Variants in TBC1D1 observed in about 807,000 individuals in gnomAD.
TBC1D1 encodes TBC1 domain family member 1, also known as TBC1 (tre-2/USP6, BUB2, cdc16) domain family, member 1.
Under a neutral mutation model 125.6 loss-of-function variants are expected in TBC1D1, and 89 were observed. The observed-to-expected ratio is 0.71, with a 90% CI of 0.60 to 0.85. The LOEUF (loss-of-function observed/expected upper bound fraction) is 0.85, where lower values mean the gene tolerates loss of function less well. Among genes scored for constraint, TBC1D1 ranks in the 40% least tolerant of loss-of-function variants. The pLI is 0.00. For missense variants in TBC1D1, 1,377 were observed against 1,469.2 expected (o/e 0.94, Z 1.03); for synonymous variants, 565 against 564.1 (o/e 1.00, Z -0.02).
At chr4:37,991,037 G>A (rs1220435879) in intron 2 of TBC1D1, among the ~76,000 whole-genome samples, 1 of 133,672 alleles carries the variant, frequency 7.5e-6, no homozygotes, top group Non-Finnish European at 1.6e-5. Context: ...AGATGAGAGA[G>A]ACCCAGCTGC....
chr4:37,897,409 G>A (rs1714886920), intron 1 of TBC1D1, among the ~76,000 whole-genome samples: 1 of 152,118 alleles, frequency 6.6e-6, no homozygotes, highest in African/African-American at 2.4e-5. Context: ...AAATAATTAT[G>A]GCTATGTTGG....
chr4:37,948,991 T>C (rs1727294504), intron 2 of TBC1D1, among the ~76,000 whole-genome samples: 1 of 152,252 alleles, frequency 6.6e-6, no homozygotes, highest in African/African-American at 2.4e-5. Context: ...ATTGTATGGA[T>C]ATACCGCATT....
At chr4:37,911,347 T>G (rs1401313803) in intron 2 of TBC1D1, among the ~76,000 whole-genome samples, 1 of 152,140 alleles carries the variant, frequency 6.6e-6, no homozygotes, top group Non-Finnish European at 1.5e-5. Context: ...GGCTCAGGCA[T>G]CCACCCTACT....
chr4:37,960,645 A>G (rs1306634611), intron 2 of TBC1D1: 2 of 1,614,194 alleles, frequency 1.2e-6, no homozygotes, highest in East Asian at 2.2e-5. Flanking sequence ...CAACAGAGCT[A>G]CAGAAAAGTC....
chr4:37,966,182 G>A (rs543116784), intron 2 of TBC1D1, among the ~76,000 whole-genome samples: 1 of 152,272 alleles, frequency 6.6e-6, no homozygotes, highest in East Asian at 1.9e-4. Context: ...ACTGTCTGAG[G>A]TCACATAGCT....
intron 2 of TBC1D1, chr4:38,007,243 A>T (rs911960846): frequency 2.0e-5 from 3 of 151,900 alleles, no homozygotes; most frequent in Admixed American, 6.6e-5. Context: ...TTTTTTATTT[A>T]TTTATTAATT....
intron 7 of TBC1D1, among the ~76,000 whole-genome samples, chr4:38,034,199 T>C (rs1209875242): frequency 6.6e-6 from 1 of 152,262 alleles, no homozygotes; most frequent in Non-Finnish European, 1.5e-5. Context: ...CAGTGTTAAG[T>C]TGGGATTGTG....
chr4:37,954,190 T>A (rs1728452264), intron 2 of TBC1D1, among the ~76,000 whole-genome samples: 1 of 152,192 alleles, frequency 6.6e-6, no homozygotes, highest in African/African-American at 2.4e-5. Context: ...ATGGCTGCTG[T>A]GGCTCCTCGC....
chr4:37,903,799 G>C (rs774763067), intron 2 of TBC1D1, among the ~76,000 whole-genome samples: 3 of 152,082 alleles, frequency 2.0e-5, no homozygotes, highest in Non-Finnish European at 2.9e-5. Context: ...TGGGGAATAG[G>C]ACCAGGTGAT....
At chr4:38,100,083 A>T (rs929095718) in intron 14 of TBC1D1, among the ~76,000 whole-genome samples, 4 of 152,154 alleles carry the variant, frequency 2.6e-5, no homozygotes, top group Non-Finnish European at 5.9e-5. Context: ...TTTACTTCTC[A>T]TCAGCATTTG....
chr4:38,019,088 A>G (rs1743450303), intron 4 of TBC1D1, among the ~76,000 whole-genome samples: 1 of 152,100 alleles, frequency 6.6e-6, no homozygotes. Flanking sequence ...GGGATTTTGG[A>G]AGAATCTATC....
intron 2 of TBC1D1, among the ~76,000 whole-genome samples, chr4:37,912,379 G>C (rs1025000805): frequency 6.6e-6 from 1 of 152,228 alleles, no homozygotes; most frequent in East Asian, 1.9e-4. Flanking sequence ...TGCCATAGCA[G>C]GATGGGGAAT....
chr4:38,004,827 ATAAT>A (rs1394694326), intron 2 of TBC1D1, among the ~76,000 whole-genome samples: 1 of 152,242 alleles, frequency 6.6e-6, no homozygotes, highest in Non-Finnish European at 1.5e-5. Flanking sequence ...GAAACCGAAG[ATAAT>A]TAAAGAGTAC....
chr4:38,129,656 A>G (rs1177172817), intron 18 of TBC1D1, among the ~76,000 whole-genome samples: 1 of 152,164 alleles, frequency 6.6e-6, no homozygotes, highest in African/African-American at 2.4e-5. Flanking sequence ...GACTTTATTA[A>G]TCAGTGTCCA....
intron 2 of TBC1D1, among the ~76,000 whole-genome samples, chr4:37,970,944 C>A (rs995795933): frequency 2.0e-5 from 3 of 152,042 alleles, no homozygotes; most frequent in Non-Finnish European, 2.9e-5. Flanking sequence ...CTCACTGGCC[C>A]CCCCCACTAG....
intron 6 of TBC1D1, among the ~76,000 whole-genome samples, chr4:38,027,266 A>G (rs1021227972): frequency 2.0e-5 from 3 of 152,222 alleles, no homozygotes; most frequent in Admixed American, 2.0e-4. Flanking sequence ...TGCCTATTAT[A>G]CAGTGTCTAG....
chr4:37,985,161 G>C (rs919378287), intron 2 of TBC1D1, among the ~76,000 whole-genome samples: 5 of 152,030 alleles, frequency 3.3e-5, no homozygotes, highest in Non-Finnish European at 5.9e-5. Flanking sequence ...CACCATGCTG[G>C]CCAGGATGGT....
chr4:38,006,796 T>C (rs1740368133), intron 2 of TBC1D1: 2 of 510,508 alleles, frequency 3.9e-6, no homozygotes, highest in Non-Finnish European at 7.8e-6. Flanking sequence ...ATTTCTTTTA[T>C]GCTGCTCTTT....
At position 37,945,175 on chromosome 4, in the gene TBC1D1, T is replaced by A. The variant is rs1415965400; in HGVS notation, c.417+42663T>A. 5.9e-5 allele frequency among the ~76,000 whole-genome samples: 9 copies of A among 152,020 alleles called. 1 individual carries two copies. Among genetic ancestry groups the A allele is most frequent in the Admixed American group, 4.6e-4 (7 of 15,248 alleles). ...GGCTGACCCAAATCATCGCTCTTGGTCCAAGTATAAGGTCTCAAGCTGGTA... is the reference window on the plus strand; with the variant it reads ...GGCTGACCCAAATCATCGCTCTTGGACCAAGTATAAGGTCTCAAGCTGGTA... On this transcript the variant is annotated intron_variant, in intron 2 of 19. Coordinates refer to ENST00000261439, the MANE Select transcript of TBC1D1 (RefSeq NM_015173.4).
Sources: gnomAD v4.1 joint callset for allele counts (sites outside exome capture counted in the v4.1 genomes callset) on GRCh38, gnomAD v4.1.1 for gene constraint, MANE v1.5 for transcripts, NCBI Gene and HGNC (gene_info 2026-07-23, HGNC 2026-07-21) for gene names.